TANGO6: variants seen among roughly 807,000 people sequenced by gnomAD.
TANGO6 encodes transport and Golgi organization protein 6 homolog.
A neutral mutation model predicts 114.2 loss-of-function variants in TANGO6; 90 were observed. The ratio of observed to expected loss-of-function variants is 0.79; its 90% CI spans 0.66 to 0.94. The LOEUF is 0.94. Among genes scored for constraint, TANGO6 ranks in the 40% least tolerant of loss-of-function variants. The probability of loss-of-function intolerance (pLI) is 0.00; values close to 1 mark genes in which losing one functional copy is unlikely to be tolerated. For synonymous variants in TANGO6, 477 were observed against 509.8 expected (o/e 0.94, Z 0.87); for missense variants, 1,274 against 1,315.3 (o/e 0.97, Z 0.49).
At chr16:68,960,462 CT>C (rs2152208786) in intron 14 of TANGO6, among the ~76,000 whole-genome samples, 1 of 151,634 alleles carries the variant, frequency 6.6e-6, no homozygotes, top group South Asian at 2.1e-4. Flanking sequence ...CTTTCCAGTG[CT>C]GTTTTTTAAA....
intron 14 of TANGO6, among the ~76,000 whole-genome samples, chr16:68,962,992 G>T (rs1419235918): frequency 2.0e-5 from 3 of 150,864 alleles, no homozygotes; most frequent in Non-Finnish European, 4.4e-5. Context: ...CACTCGGGAG[G>T]CTGAGGCAGG....
chr16:68,935,632 C>G (rs937172940), intron 14 of TANGO6, among the ~76,000 whole-genome samples: 3 of 152,186 alleles, frequency 2.0e-5, no homozygotes, highest in Admixed American at 6.5e-5. Flanking sequence ...ACAGCTTCTT[C>G]AGGCAGAGAA....
intron 12 of TANGO6, among the ~76,000 whole-genome samples, chr16:68,919,747 AC>A (rs2152191153): frequency 6.6e-6 from 1 of 152,254 alleles, no homozygotes; most frequent in Admixed American, 6.5e-5. Context: ...TTTTTTAAAC[AC>A]TACATATTGG....
chr16:68,945,381 T>C lies in TANGO6; in HGVS notation c.2701+15086T>C, dbSNP rs572116821. ...AATTTCTTTTTTATTTTATTTTTTT[T>C]TAATTTCTTGGTTTTAGGTCACAAT... On this transcript the variant is annotated intron_variant, in intron 14 of 17. Coordinates refer to ENST00000261778, the MANE Select transcript of TANGO6 (RefSeq NM_024562.2). Among the ~76,000 whole-genome samples, 18 of 152,264 alleles carry C rather than the reference T, an allele frequency of 1.2e-4. No individual in the cohort carries two copies. In the East Asian group the frequency reaches 3.3e-3, roughly 28 times the overall value.
At chr16:68,931,796 G>C (rs976372755) in intron 14 of TANGO6, among the ~76,000 whole-genome samples, 1 of 152,154 alleles carries the variant, frequency 6.6e-6, no homozygotes, top group African/African-American at 2.4e-5. Context: ...TCTTTTTGGG[G>C]TGATGAAAAT....
chr16:68,988,692 C>CTTTTTTTTTTTTT (rs397855895), intron 15 of TANGO6, among the ~76,000 whole-genome samples: 1 of 112,492 alleles, frequency 8.9e-6, no homozygotes, highest in African/African-American at 3.6e-5. Context: ...TTCTCTCTCT[C>CTTTTTTTTTTTTT]TTTTTTTTTT....
chr16:68,875,375 G>A (rs1962338198), intron 5 of TANGO6, 85 bp downstream of exon 5: 6 of 1,453,350 alleles, frequency 4.1e-6, no homozygotes, highest in Non-Finnish European at 5.6e-6. Context: ...CTAGTATTGA[G>A]ATAAAAGCAG....
intron 17 of TANGO6, among the ~76,000 whole-genome samples, chr16:69,053,192 G>T (rs1235302441): frequency 6.6e-6 from 1 of 151,918 alleles, no homozygotes; most frequent in Non-Finnish European, 1.5e-5. Context: ...AGAATGTATA[G>T]GTTCTAAAAG....
intron 11 of TANGO6, among the ~76,000 whole-genome samples, chr16:68,911,229 G>A (rs1347023113): frequency 2.6e-5 from 4 of 151,720 alleles, no homozygotes; most frequent in Non-Finnish European, 4.4e-5. Context: ...TGAGACAACA[G>A]GTGCACACCA....
At chr16:68,866,141 A>T (rs1397688838) in intron 3 of TANGO6, among the ~76,000 whole-genome samples, 1 of 151,944 alleles carries the variant, frequency 6.6e-6, no homozygotes, top group Non-Finnish European at 1.5e-5. Context: ...CTACATTTTA[A>T]TTGCTGATGC....
intron 1 of TANGO6, 109 bp downstream of exon 1, chr16:68,843,820 A>T: frequency 9.8e-7 from 1 of 1,025,250 alleles, no homozygotes; most frequent in Non-Finnish European, 1.5e-6. Flanking sequence ...CCGCCTCGGG[A>T]CCCTCCGCCC....
intron 1 of TANGO6, among the ~76,000 whole-genome samples, chr16:68,851,471 T>C (rs1206921109): frequency 1.3e-5 from 2 of 152,220 alleles, no homozygotes; most frequent in Non-Finnish European, 2.9e-5. Flanking sequence ...ATCTTACTTT[T>C]TAAATTTAGT....
chr16:68,875,361 TC>T, intron 5 of TANGO6, 71 bp downstream of exon 5: 1 of 1,532,114 alleles, frequency 6.5e-7, no homozygotes, highest in Non-Finnish European at 8.9e-7. Flanking sequence ...CTTTTAATGT[TC>T]CTCTAGTATT....
Position 68,974,150 on chromosome 16 carries a change from C to G in TANGO6, c.2824C>G (p.Arg942Gly), listed in dbSNP as rs374575279. The G allele has an allele frequency of 2.5e-6, 4 of 1,613,904 alleles. No homozygotes were observed. The highest frequency in any genetic ancestry group is 2.2e-5 in the South Asian group (2 of 91,058). Residue 942 changes from arginine (R) to glycine (G), a missense_variant, in exon 15 of 18, where the codon CGA (arginine) becomes GGA (glycine). Physicochemically the swap from Arg to Gly is moderately radical, Grantham distance 125. This residue lies in a region of TANGO6 where 238 missense variants were observed against 252.9 expected (regional missense o/e 0.94). Coordinates refer to ENST00000261778, the MANE Select transcript of TANGO6 (RefSeq NM_024562.2). ...TRMKVGEVLM[R>G]IVRALGDMVS... is the part of the protein sequence containing the mutation. ...AATGAAAGTCGGGGAAGTCCTTATG[C>G]GAATCGTCAGGGCATTAGGTGAGTT...
At chr16:68,932,325 G>A (rs1192347807) in intron 14 of TANGO6, among the ~76,000 whole-genome samples, 1 of 150,970 alleles carries the variant, frequency 6.6e-6, no homozygotes, top group South Asian at 2.1e-4. Context: ...TCCTGACCTT[G>A]GGTGATCCAC....
intron 7 of TANGO6, among the ~76,000 whole-genome samples, chr16:68,884,302 T>C (rs1172778930): frequency 6.6e-6 from 1 of 152,230 alleles, no homozygotes; most frequent in Admixed American, 6.5e-5. Flanking sequence ...AGGGTTGACC[T>C]GGCACACAAA....
At chr16:69,074,290 T>C (rs908221851) in intron 17 of TANGO6, among the ~76,000 whole-genome samples, 1 of 151,706 alleles carries the variant, frequency 6.6e-6, no homozygotes, top group African/African-American at 2.4e-5. Flanking sequence ...TATATATATA[T>C]ATATTACAGA....
intron 17 of TANGO6, among the ~76,000 whole-genome samples, chr16:69,067,103 C>T (rs904438376): frequency 5.3e-5 from 8 of 152,192 alleles, no homozygotes; most frequent in Non-Finnish European, 1.2e-4. Flanking sequence ...TGCTGTGTTG[C>T]TCAGGCTGGC....
intron 15 of TANGO6, among the ~76,000 whole-genome samples, chr16:69,019,472 A>G (rs754497521): frequency 6.6e-6 from 1 of 152,128 alleles, no homozygotes; most frequent in African/African-American, 2.4e-5. Flanking sequence ...CTTATACTGT[A>G]TGGAAGGTAC....
Sources: gnomAD v4.1 joint callset for allele counts (sites outside exome capture counted in the v4.1 genomes callset) on GRCh38, gnomAD v4.1.1 for gene constraint, gnomAD v4.1.1 regional missense constraint, MANE v1.5 for transcripts, NCBI Gene and HGNC (gene_info 2026-07-23, HGNC 2026-07-21) for gene names.